CNST: variants seen among roughly 807,000 people sequenced by gnomAD.
The protein encoded by CNST is consortin, connexin sorting protein.
In CNST, 39 loss-of-function variants were observed where a neutral mutation model predicts 72.4. That is an observed-to-expected ratio of 0.54 (90% confidence interval 0.42 to 0.70). The LOEUF (loss-of-function observed/expected upper bound fraction) is 0.70, where lower values mean the gene tolerates loss of function less well. CNST is among the 30% of genes least tolerant of loss of function. CNST has a pLI of 0.00. For synonymous variants in CNST, 332 were observed against 320.1 expected (o/e 1.04, Z -0.40); for missense variants, 871 against 868.5 (o/e 1.00, Z -0.04).
intron 1 of CNST, among the ~76,000 whole-genome samples, chr1:246,584,996 T>C (rs1383783519): frequency 6.6e-6 from 1 of 152,210 alleles, no homozygotes. Flanking sequence ...TTGACTTTAG[T>C]TTCTGGCAGG....
Position 246,647,393 on chromosome 1 carries a change from A to G in CNST, c.1192A>G (p.Ser398Gly). 6.2e-7 allele frequency: 1 copy of G among 1,614,148 alleles called. No homozygotes were observed. ...DSSEDACEDD[S>G]RLQLAQTEAC... is the part of the protein sequence containing the mutation. ...TTCTGAGGATGCTTGTGAGGATGAC[A>G]GTCGCTTGCAGCTGGCTCAAACAGA... The change falls in exon 9 of 11, where the codon AGT becomes GGT. Residue 398 changes from serine to glycine, a missense_variant. Coordinates refer to ENST00000366513, the MANE Select transcript of CNST (RefSeq NM_152609.3).
chr1:246,585,044 A>G (rs1661045224), intron 1 of CNST, among the ~76,000 whole-genome samples: 1 of 152,166 alleles, frequency 6.6e-6, no homozygotes, highest in South Asian at 2.1e-4. Context: ...TCAACCAGAG[A>G]TTAGATGATT....
At chr1:246,641,695 C>T in intron 6 of CNST, 54 bp from the exon 7 acceptor site, 1 of 964,926 alleles carries the variant, frequency 1.0e-6, no homozygotes, top group Non-Finnish European at 1.6e-6. Flanking sequence ...TGTTTGGAAG[C>T]ATATTGCTGC....
chr1:246,641,821 T>C (rs759438635), intron 7 of CNST, 51 bp downstream of exon 7: 2 of 1,264,938 alleles, frequency 1.6e-6, no homozygotes, highest in African/African-American at 3.0e-5. Flanking sequence ...GTTTGTGTCA[T>C]ATGTCTGTTG....
intron 2 of CNST, among the ~76,000 whole-genome samples, chr1:246,618,949 G>A (rs1224181142): frequency 2.0e-5 from 3 of 152,080 alleles, no homozygotes; most frequent in African/African-American, 7.2e-5. Flanking sequence ...TTTGGCAATA[G>A]TCTTCAAGGG....
chr1:246,633,448 C>CA lies in CNST; in HGVS notation c.617-463dup, dbSNP rs796468053. On this transcript the variant is annotated intron_variant, in intron 4 of 10. Transcript: ENST00000366513. ...TCGGTGACAGAGGGAGACTGTGTCT[C>CA]AAAAAAAAAAAAAGCTGGACGCAGT... 7.8e-3 allele frequency among the ~76,000 whole-genome samples: 846 copies of CA among 108,048 alleles called. 9 individuals carry two copies. The highest frequency in any genetic ancestry group is 0.023 in the African/African-American group (655 of 28,060). 70.9% of individuals were successfully genotyped at this position (108,048 alleles called of 152,430 possible). A position where few individuals can be genotyped will look rare whatever the true frequency, so the allele number is the denominator to read the frequency against.
At chr1:246,606,384 T>G (rs1201547124) in intron 2 of CNST, 2 of 152,062 alleles carry the variant, frequency 1.3e-5, no homozygotes, top group South Asian at 4.1e-4. Flanking sequence ...TTCTGATGTT[T>G]GAAGCGATTT....
chr1:246,666,473 G>C lies in CNST; in HGVS notation c.*568G>C, dbSNP rs1021852758. 1.3e-5 allele frequency: 2 copies of C among 152,676 alleles called. No individual in the cohort carries two copies. The highest frequency in any genetic ancestry group is 4.8e-5 in the African/African-American group (2 of 41,450). The allele number at this position is 152,676 out of a possible 1,614,324, so 9.5% of individuals were successfully genotyped here. A position where few individuals can be genotyped will look rare whatever the true frequency, so the allele number is the denominator to read the frequency against. On this transcript the variant is annotated 3_prime_UTR_variant, in exon 11 of 11. Coordinates refer to ENST00000366513, the MANE Select transcript of CNST (RefSeq NM_152609.3). ...TGTGCGTGCGCATGTGCTTCCGGCA[G>C]TTAACATAAGCAAATACCCAACATC...
chr1:246,659,461 G>A (rs950073937), intron 9 of CNST, among the ~76,000 whole-genome samples: 2 of 152,186 alleles, frequency 1.3e-5, no homozygotes, highest in East Asian at 1.9e-4. Flanking sequence ...CGAGCATGGT[G>A]GCGGGTGCCT....
chr1:246,660,497 G>A (rs778008468), intron 10 of CNST, among the ~76,000 whole-genome samples, 163 bp downstream of exon 10: 7 of 152,252 alleles, frequency 4.6e-5, no homozygotes, highest in East Asian at 3.9e-4. Context: ...AGGCTCAGGC[G>A]GGCAGATCAC....
At chr1:246,659,024 C>A (rs988019457) in intron 9 of CNST, among the ~76,000 whole-genome samples, 9 of 152,194 alleles carry the variant, frequency 5.9e-5, no homozygotes, top group South Asian at 2.1e-4. Flanking sequence ...AGAGGCAGCC[C>A]AAGTGAAAGA....
intron 2 of CNST, among the ~76,000 whole-genome samples, chr1:246,593,449 T>C (rs986502128): frequency 7.2e-5 from 11 of 151,980 alleles, no homozygotes; most frequent in African/African-American, 2.7e-4. Context: ...CAGATGATTC[T>C]CCTGCCTCAG....
At chr1:246,576,602 T>C (rs1292274443) in intron 1 of CNST, among the ~76,000 whole-genome samples, 1 of 151,386 alleles carries the variant, frequency 6.6e-6, no homozygotes, top group Non-Finnish European at 1.5e-5. Flanking sequence ...TTCAAGTGAC[T>C]CTCCTGCCTC....
chr1:246,603,957 G>T (rs757458274), intron 2 of CNST, among the ~76,000 whole-genome samples: 17 of 152,208 alleles, frequency 1.1e-4, no homozygotes, highest in Non-Finnish European at 2.2e-4. Flanking sequence ...GGACGTGGTG[G>T]CTCACACTGT....
At chr1:246,634,134 G>A in intron 5 of CNST, 124 bp downstream of exon 5, 1 of 678,498 alleles carries the variant, frequency 1.5e-6, no homozygotes, top group Non-Finnish European at 2.6e-6. Flanking sequence ...ACAAGTTAAT[G>A]TTGCAAAGAA....
intron 9 of CNST, among the ~76,000 whole-genome samples, chr1:246,650,185 T>G (rs1666372584): frequency 1.3e-5 from 2 of 152,188 alleles, no homozygotes; most frequent in Non-Finnish European, 2.9e-5. Context: ...AAATGGAATA[T>G]TCCCTCCTCA....
In CNST at chr1:246,621,575, C is replaced by G. The variant is rs1362583119; in HGVS notation, c.526C>G (p.Leu176Val). The stretch of plus-strand genomic sequence containing the variant: ...GCTTGTTCTGCAGTCTCTGTTTTCA[C>G]TTATACGAGGTGAAGTTGAGCAGTT... The part of the protein sequence containing the change: ...PKLVLQSLFS[L>V]IRGEVEQLDS... Residue 176 changes from leucine to valine, a missense_variant, in exon 3 of 11, where the codon CTT (leucine) becomes GTT (valine). Leu to Val is a conservative substitution (Grantham distance 32). Coordinates refer to ENST00000366513, the MANE Select transcript of CNST (RefSeq NM_152609.3). 1.9e-6 allele frequency: 3 copies of G among 1,614,078 alleles called. No homozygotes were observed. The highest frequency in any genetic ancestry group is 1.7e-5 in the Admixed American group (1 of 60,000).
At chr1:246,649,324 G>A (rs1666318668) in intron 9 of CNST, among the ~76,000 whole-genome samples, 1 of 152,052 alleles carries the variant, frequency 6.6e-6, no homozygotes, top group Admixed American at 6.6e-5. Context: ...CTTACAAAGA[G>A]TTAAAATGGC....
intron 2 of CNST, among the ~76,000 whole-genome samples, chr1:246,604,799 G>C (rs905133941): frequency 7.3e-5 from 11 of 151,574 alleles, no homozygotes; most frequent in African/African-American, 2.4e-4. Context: ...CTCCCAAGTA[G>C]CTGGGATTAC....
Sources: gnomAD v4.1 joint callset for allele counts (sites outside exome capture counted in the v4.1 genomes callset) on GRCh38, gnomAD v4.1.1 for gene constraint, MANE v1.5 for transcripts, NCBI Gene and HGNC (gene_info 2026-07-23, HGNC 2026-07-21) for gene names.